MTIF3: variants seen among roughly 807,000 people sequenced by gnomAD.
The protein encoded by MTIF3 is translation initiation factor IF-3, mitochondrial.
MTIF3 carries 13 observed loss-of-function variants against 20.7 expected under a neutral mutation model. The observed-to-expected ratio is 0.63, with a 90% CI of 0.41 to 1.00. The LOEUF (loss-of-function observed/expected upper bound fraction) is 1.00, where lower values mean the gene tolerates loss of function less well. MTIF3 is among the 50% of genes least tolerant of loss of function. The probability of loss-of-function intolerance (pLI) is 0.00; values close to 1 mark genes in which losing one functional copy is unlikely to be tolerated. For synonymous variants in MTIF3, 114 were observed against 112.5 expected, an observed-to-expected ratio of 1.01 and a Z score of -0.08; for missense variants, 295 against 324.5, an observed-to-expected ratio of 0.91 and a Z score of 0.70.
At chr13:27,440,760 CTACT>C (rs932697999) in intron 2 of MTIF3, among the ~76,000 whole-genome samples, 3 of 150,458 alleles carry the variant, frequency 2.0e-5, no homozygotes, top group African/African-American at 4.9e-5. Flanking sequence ...TCTCATTTGA[CTACT>C]TAGTTGACCC....
At chr13:27,441,159 C>T (rs1953991587) in intron 2 of MTIF3, 1 of 152,566 alleles carries the variant, frequency 6.6e-6, no homozygotes, top group African/African-American at 2.4e-5. Flanking sequence ...TATGTGGACC[C>T]CATGCAGTTC....
At chr13:27,447,505 A>G (rs2892059) in intron 1 of MTIF3, among the ~76,000 whole-genome samples, 144,372 of 152,318 alleles carry the variant, frequency 0.95, 68,507 homozygotes, top group Admixed American at 0.97. Context: ...TATTCTAAAA[A>G]CCAATTATCT....
rs116046197 is a variant in MTIF3, at chr13:27,439,808, A to G, written c.460+181T>C. 4.0e-3 allele frequency among the ~76,000 whole-genome samples: 612 copies of G among 152,344 alleles called. 8 individuals carry two copies. The highest frequency in any genetic ancestry group is 0.014 in the African/African-American group (585 of 41,584). On this transcript the variant is annotated intron_variant, in intron 3 of 4. Transcript: ENST00000381120. ...GGTATTGTGGAAAAACAGTGAAAAA[A>G]AGGGAACAGGAGTAAGTGCAGGATA...
At chr13:27,448,282 G>C (rs1954244608) in intron 1 of MTIF3, among the ~76,000 whole-genome samples, 1 of 152,212 alleles carries the variant, frequency 6.6e-6, no homozygotes, top group Non-Finnish European at 1.5e-5. Flanking sequence ...AGCTCATACT[G>C]TTATCTGTTC....
chr13:27,444,291 CGA>C (rs1461156641), intron 2 of MTIF3, among the ~76,000 whole-genome samples: 1 of 150,652 alleles, frequency 6.6e-6, no homozygotes, highest in Non-Finnish European at 1.5e-5. Flanking sequence ...GGCGACAGAG[CGA>C]GACTCTGTCT....
intron 1 of MTIF3, among the ~76,000 whole-genome samples, chr13:27,446,862 T>TA (rs1225591543): frequency 1.3e-5 from 2 of 152,012 alleles, no homozygotes; most frequent in Admixed American, 1.3e-4. Flanking sequence ...GAGGCTGGCA[T>TA]AAAAAAAGTA....
At chr13:27,450,145 C>T (rs1954316071) in intron 1 of MTIF3, 1 of 152,314 alleles carries the variant, frequency 6.6e-6, no homozygotes, top group Non-Finnish European at 1.5e-5. Flanking sequence ...CGCCCACCTG[C>T]AGAACGGGAC....
intron 1 of MTIF3, among the ~76,000 whole-genome samples, chr13:27,445,376 T>C (rs1444845261): frequency 6.6e-6 from 1 of 151,682 alleles, no homozygotes; most frequent in Non-Finnish European, 1.5e-5. Flanking sequence ...CTGGGGAGGC[T>C]GAGGAAGGAG....
chr13:27,436,448 G>A (rs144340748), intron 4 of MTIF3, among the ~76,000 whole-genome samples: 1 of 151,986 alleles, frequency 6.6e-6, no homozygotes, highest in African/African-American at 2.4e-5. Context: ...TAAACTTATG[G>A]GATTGGAAAC....
chr13:27,447,256 G>A (rs1045838482), intron 1 of MTIF3, among the ~76,000 whole-genome samples: 2 of 148,694 alleles, frequency 1.3e-5, no homozygotes, highest in Non-Finnish European at 3.0e-5. Flanking sequence ...ACTATAAGTG[G>A]GGTCAAGGGT....
At chr13:27,444,027 GGT>G (rs1205695461) in intron 2 of MTIF3, among the ~76,000 whole-genome samples, 27 of 152,108 alleles carry the variant, frequency 1.8e-4, no homozygotes, top group Admixed American at 3.3e-4. Context: ...AGTAGGGCCG[GGT>G]GCAGTGGCTC....
intron 3 of MTIF3, among the ~76,000 whole-genome samples, chr13:27,439,130 G>A (rs943566670): frequency 2.0e-5 from 3 of 152,240 alleles, no homozygotes; most frequent in Admixed American, 2.0e-4. Context: ...GTATATCTAA[G>A]AGTGTTGCTA....
chr13:27,437,858 C>T (rs148885966), intron 3 of MTIF3, among the ~76,000 whole-genome samples: 5 of 152,136 alleles, frequency 3.3e-5, no homozygotes, highest in African/African-American at 1.2e-4. Context: ...AAAAATACAA[C>T]TTTAAAACAA....
chr13:27,438,491 T>TG (rs1482842780), intron 3 of MTIF3, among the ~76,000 whole-genome samples: 691 of 47,724 alleles, frequency 0.014, 9 homozygotes, highest in African/African-American at 0.033. Flanking sequence ...CTGTTTTTTT[T>TG]TTTTTTTTTT....
intron 1 of MTIF3, among the ~76,000 whole-genome samples, chr13:27,447,716 TTC>T (rs1954226986): frequency 3.1e-5 from 1 of 32,128 alleles, no homozygotes; most frequent in African/African-American, 1.3e-4. Flanking sequence ...GCAACTATTG[TTC>T]TGATTTTTTC....
intron 1 of MTIF3, chr13:27,450,307 C>G (rs1954325937): frequency 6.6e-6 from 1 of 151,810 alleles, no homozygotes; most frequent in African/African-American, 2.4e-5. Flanking sequence ...GTTCGTGCAG[C>G]GGCCTCGCTG....
At chr13:27,449,569 A>G (rs1954291299) in intron 1 of MTIF3, among the ~76,000 whole-genome samples, 2 of 152,164 alleles carry the variant, frequency 1.3e-5, no homozygotes, top group Non-Finnish European at 2.9e-5. Context: ...ATTACCTTCC[A>G]AACTAAGCCA....
intron 3 of MTIF3, among the ~76,000 whole-genome samples, chr13:27,437,568 T>C (rs1187948980): frequency 1.3e-5 from 2 of 152,210 alleles, no homozygotes; most frequent in Non-Finnish European, 2.9e-5. Context: ...TTTGGCTTCA[T>C]GGTGCACTTA....
intron 3 of MTIF3, among the ~76,000 whole-genome samples, chr13:27,438,112 G>A (rs1953852979): frequency 6.6e-6 from 1 of 152,088 alleles, no homozygotes; most frequent in African/African-American, 2.4e-5. Context: ...TGAGGGAGGA[G>A]GTAGAGAAAC....
Sources: allele counts gnomAD v4.1 joint callset (sites outside exome capture counted in the v4.1 genomes callset), GRCh38; gene constraint gnomAD v4.1.1; transcripts MANE v1.5; gene names NCBI Gene and HGNC (gene_info 2026-07-23, HGNC 2026-07-21).